Variants in NCAM1 observed in about 807,000 individuals in gnomAD.
NCAM1 encodes neural cell adhesion molecule 1.
NCAM1 carries 14 observed loss-of-function variants against 109.8 expected under a neutral mutation model. The observed-to-expected ratio is 0.13, with a 90% confidence interval of 0.08 to 0.20. The LOEUF (loss-of-function observed/expected upper bound fraction) is 0.20. NCAM1 is among the 10% of genes least tolerant of loss of function. The probability of loss-of-function intolerance (pLI) is 1.00; values close to 1 mark genes in which losing one functional copy is unlikely to be tolerated. For missense variants in NCAM1, 774 were observed against 1,109.9 expected, an observed-to-expected ratio of 0.70 and a Z score of 4.30; for synonymous variants, 418 against 442.9, an observed-to-expected ratio of 0.94 and a Z score of 0.70.
At chr11:113,234,750 A>T (rs781847948) in intron 13 of NCAM1, among the ~76,000 whole-genome samples, 49 of 152,150 alleles carry the variant, frequency 3.2e-4, no homozygotes, top group Non-Finnish European at 6.9e-4. Context: ...TGCTGTGAAC[A>T]TGGGTAGCCC....
chr11:113,255,865 T>G lies in NCAM1; in HGVS notation c.1829-12T>G, dbSNP rs782581806. 5 of 1,612,156 alleles carry G rather than the reference T, an allele frequency of 3.1e-6. No homozygotes were observed. In the African/African-American group the frequency reaches 4.0e-5, roughly 13 times the overall value. ...GGATGAGAATTTCATGTGAATTAACTGGCTGTTTCAGGGGAACCCAGTGCA... is the reference window on the plus strand; with the variant it reads ...GGATGAGAATTTCATGTGAATTAACGGGCTGTTTCAGGGGAACCCAGTGCA... On this transcript the variant is annotated splice_polypyrimidine_tract_variant and intron_variant, in intron 15 of 19. Transcript: ENST00000316851.
At chr11:113,043,743 A>G (rs1953160128) in intron 1 of NCAM1, among the ~76,000 whole-genome samples, 1 of 152,076 alleles carries the variant, frequency 6.6e-6, no homozygotes, top group South Asian at 2.1e-4. Context: ...GAGTCTCCTC[A>G]TTGCCGTGAG....
intron 1 of NCAM1, among the ~76,000 whole-genome samples, chr11:113,016,479 C>T (rs1437942611): frequency 6.6e-6 from 1 of 152,210 alleles, no homozygotes; most frequent in Non-Finnish European, 1.5e-5. Context: ...AGTGACAATT[C>T]ACCATCCAGC....
At chr11:113,177,465 C>A (rs191950433) in intron 1 of NCAM1, among the ~76,000 whole-genome samples, 19 of 152,142 alleles carry the variant, frequency 1.2e-4, no homozygotes, top group Non-Finnish European at 2.2e-4. Flanking sequence ...GCTGGAGTCT[C>A]GCTCTGTCAT....
At chr11:113,180,824 C>T (rs1943306903) in intron 1 of NCAM1, among the ~76,000 whole-genome samples, 1 of 152,190 alleles carries the variant, frequency 6.6e-6, no homozygotes, top group African/African-American at 2.4e-5. Context: ...CTCTCTAAGC[C>T]TCCAGCTCTT....
At chr11:113,084,314 T>C (rs1555087857) in intron 1 of NCAM1, among the ~76,000 whole-genome samples, 1 of 152,138 alleles carries the variant, frequency 6.6e-6, no homozygotes, top group African/African-American at 2.4e-5. Flanking sequence ...CTATCTAACA[T>C]TGTCAAACTG....
At chr11:113,029,323 C>T (rs561638113) in intron 1 of NCAM1, among the ~76,000 whole-genome samples, 19 of 152,248 alleles carry the variant, frequency 1.2e-4, no homozygotes, top group East Asian at 3.9e-4. Flanking sequence ...AATGAATACA[C>T]GCAATGGGGT....
chr11:113,101,489 G>A (rs1458924296), intron 1 of NCAM1, among the ~76,000 whole-genome samples: 1 of 152,106 alleles, frequency 6.6e-6, no homozygotes. Context: ...GTTGCATTGT[G>A]TATTGTGTAT....
At chr11:113,103,609 G>A (rs1044877617) in intron 1 of NCAM1, among the ~76,000 whole-genome samples, 6 of 152,084 alleles carry the variant, frequency 3.9e-5, no homozygotes, top group Non-Finnish European at 8.8e-5. Flanking sequence ...ATAATGGGTG[G>A]GTTATCACTG....
intron 1 of NCAM1, among the ~76,000 whole-genome samples, chr11:113,090,234 GTTGT>G (rs1939279650): frequency 6.6e-6 from 1 of 152,268 alleles, no homozygotes; most frequent in South Asian, 2.1e-4. Context: ...AAAACTGTTG[GTTGT>G]TTGTTTCAGG....
intron 8 of NCAM1, among the ~76,000 whole-genome samples, chr11:113,216,498 A>G (rs1228306431): frequency 6.6e-6 from 1 of 152,224 alleles, no homozygotes; most frequent in East Asian, 1.9e-4. Flanking sequence ...ACTAAAACAC[A>G]TTCATACTTG....
Position 113,232,813 on chromosome 11 carries a change from A to C in NCAM1, c.1521A>C (p.Ala507=), listed in dbSNP as rs782452902. 3 of 1,612,904 alleles carry C rather than the reference A, an allele frequency of 1.9e-6. No homozygotes were observed. The highest frequency in any genetic ancestry group is 2.5e-6 in the Non-Finnish European group (3 of 1,178,952). Residue 507 remains alanine, a splice_region_variant and synonymous_variant, in exon 12 of 20, where the codon GCA becomes GCC. Transcript: ENST00000316851. The part of the protein sequence containing the change: ...QESLEFILVQ[A]DTPSSPSIDQ... ...CCTTGGAATTCATCCTTGTTCAAGC[A>C]GGTGAGTGTCCCTTACTCACCTGAG... is the stretch of plus-strand genomic sequence containing the variant.
intron 17 of NCAM1, chr11:113,263,552 C>T (rs1303434391): frequency 4.1e-6 from 4 of 985,594 alleles, no homozygotes; most frequent in African/African-American, 3.5e-5. Flanking sequence ...GGCTGATGAA[C>T]GTTCTGGGAT....
At chr11:113,080,713 A>G (rs542953187) in intron 1 of NCAM1, among the ~76,000 whole-genome samples, 1 of 152,358 alleles carries the variant, frequency 6.6e-6, no homozygotes, top group African/African-American at 2.4e-5. Context: ...TACATTGCCA[A>G]AACATTGGAT....
chr11:113,229,326 GA>G (rs1392248046), intron 9 of NCAM1, among the ~76,000 whole-genome samples: 1 of 152,198 alleles, frequency 6.6e-6, no homozygotes, highest in African/African-American at 2.4e-5. Context: ...AAAGACACAT[GA>G]AAAAAGGCTC....
intron 17 of NCAM1, among the ~76,000 whole-genome samples, chr11:113,268,145 T>C (rs1465669256): frequency 6.6e-6 from 1 of 152,226 alleles, no homozygotes; most frequent in Non-Finnish European, 1.5e-5. Context: ...TATGGGATCC[T>C]GAAGACCAAG....
chr11:113,212,650 T>A (rs556563018), intron 7 of NCAM1, among the ~76,000 whole-genome samples: 29 of 152,346 alleles, frequency 1.9e-4, no homozygotes, highest in East Asian at 9.6e-4. Context: ...ACATTTTTTT[T>A]AAATTTTTTA....
chr11:113,012,474 A>G (rs1952095681), intron 1 of NCAM1, among the ~76,000 whole-genome samples: 1 of 152,150 alleles, frequency 6.6e-6, no homozygotes, highest in South Asian at 2.1e-4. Flanking sequence ...ATGCACCACA[A>G]ACCAGGGACC....
intron 1 of NCAM1, among the ~76,000 whole-genome samples, chr11:112,980,629 A>T (rs1591210122): frequency 6.6e-6 from 1 of 151,668 alleles, no homozygotes. Context: ...TTATTTTTCA[A>T]TAGTTTTGAG....
Sources: allele counts gnomAD v4.1 joint callset (sites outside exome capture counted in the v4.1 genomes callset), GRCh38; gene constraint gnomAD v4.1.1; transcripts MANE v1.5; gene names NCBI Gene and HGNC (gene_info 2026-07-23, HGNC 2026-07-21).